TLL1: variants seen among roughly 807,000 people sequenced by gnomAD.
TLL1 encodes the protein tolloid like 1, also known as tolloid-like protein 1.
A neutral mutation model predicts 128.2 loss-of-function variants in TLL1; 49 were observed. The observed-to-expected ratio is 0.38, with a 90% confidence interval of 0.30 to 0.48. TLL1 has a LOEUF of 0.48. TLL1 is among the 20% of genes least tolerant of loss of function. The pLI, the probability that TLL1 is intolerant of heterozygous loss-of-function variation, is 0.96. For synonymous variants in TLL1, 454 were observed against 418.8 expected, an observed-to-expected ratio of 1.08 and a Z score of -1.03; for missense variants, 1,123 against 1,242.0, an observed-to-expected ratio of 0.90 and a Z score of 1.44.
intron 2 of TLL1, among the ~76,000 whole-genome samples, chr4:165,992,192 A>T (rs182964461): frequency 7.1e-4 from 108 of 152,138 alleles, no homozygotes; most frequent in Middle Eastern, 3.4e-3. Context: ...AGCGTAACAG[A>T]ATATATTTTG....
intron 16 of TLL1, among the ~76,000 whole-genome samples, chr4:166,070,702 T>C (rs1484027514): frequency 1.3e-5 from 2 of 151,922 alleles, no homozygotes; most frequent in Non-Finnish European, 2.9e-5. Flanking sequence ...TGCATTGCAA[T>C]CTGTCTAGCT....
At chr4:166,052,965 G>GTGTGTGTATATATATA in intron 12 of TLL1, among the ~76,000 whole-genome samples, 3 of 99,648 alleles carry the variant, frequency 3.0e-5, no homozygotes, top group African/African-American at 1.1e-4. Flanking sequence ...GAGGTTATGT[G>GTGTGTGTATATATATA]TATATATATA....
chr4:165,923,155 T>A (rs1733110938), intron 1 of TLL1, among the ~76,000 whole-genome samples: 2 of 152,122 alleles, frequency 1.3e-5, no homozygotes, highest in African/African-American at 4.8e-5. Flanking sequence ...AGTACAATCA[T>A]ATGCAGTAAT....
rs552189679 is a variant in TLL1, at chr4:166,026,822, A to G, written c.1158+1391A>G. On this transcript the variant is annotated intron_variant, in intron 9 of 20. Transcript: ENST00000061240. ...AAATTTAAAAGATTGTTAGAACCATAGAGTCTTTAGACAACAAAATGAGAG... is the reference window on the plus strand; with the variant it reads ...AAATTTAAAAGATTGTTAGAACCATGGAGTCTTTAGACAACAAAATGAGAG... 1.6e-4 allele frequency among the ~76,000 whole-genome samples: 25 copies of G among 152,284 alleles called. 1 individual carries two copies. Among genetic ancestry groups the G allele is most frequent in the African/African-American group, 5.8e-4 (24 of 41,582 alleles).
intron 1 of TLL1, among the ~76,000 whole-genome samples, chr4:165,962,919 G>A (rs1234920601): frequency 6.6e-6 from 1 of 151,148 alleles, no homozygotes; most frequent in Non-Finnish European, 1.5e-5. Flanking sequence ...GCTAGGCATG[G>A]TGGCACGTGC....
chr4:166,067,170 C>G (rs139347161), intron 16 of TLL1, among the ~76,000 whole-genome samples: 1 of 151,608 alleles, frequency 6.6e-6, no homozygotes, highest in Admixed American at 6.6e-5. Context: ...TGCACACATC[C>G]CACATGAATC....
rs201758510 is a variant in TLL1, at chr4:166,066,589, A to AGT, written c.2188+726_2188+727insGT. ...AATTTAGAGCAACTGAATTCCAATT[A>AGT]TGTTTTAATGTTAGGTAATTTGGAT... is the stretch of plus-strand genomic sequence containing the variant. On this transcript the variant is annotated intron_variant, in intron 16 of 20. Coordinates refer to ENST00000061240, the MANE Select transcript of TLL1 (RefSeq NM_012464.5). Among the ~76,000 whole-genome samples, 1,174 of 151,946 alleles carry AGT rather than the reference A, an allele frequency of 7.7e-3. 14 individuals are homozygous for AGT. Among genetic ancestry groups the AGT allele is most frequent in the African/African-American group, 0.027 (1,114 of 41,512 alleles).
At chr4:165,953,576 AAAAAAAG>A (rs541352864) in intron 1 of TLL1, among the ~76,000 whole-genome samples, 3,257 of 149,222 alleles carry the variant, frequency 0.022, 99 homozygotes, top group African/African-American at 0.077. Context: ...GAAAAAAAAA[AAAAAAAG>A]AAAGAAGGAA....
At chr4:165,934,770 G>T (rs566304388) in intron 1 of TLL1, among the ~76,000 whole-genome samples, 1 of 152,156 alleles carries the variant, frequency 6.6e-6, no homozygotes, top group Non-Finnish European at 1.5e-5. Flanking sequence ...CCAGGAAACT[G>T]ATACATTTTA....
At chr4:165,949,414 G>C (rs1173064829) in intron 1 of TLL1, among the ~76,000 whole-genome samples, 2 of 152,102 alleles carry the variant, frequency 1.3e-5, no homozygotes, top group Non-Finnish European at 1.5e-5. Context: ...GAGCCACACT[G>C]TCTCCAGACT....
intron 1 of TLL1, 40 bp downstream of exon 1, chr4:165,874,113 G>A (rs780750226): frequency 2.4e-5 from 38 of 1,612,862 alleles, no homozygotes; most frequent in Non-Finnish European, 3.1e-5. Context: ...CGCGCCGGGG[G>A]CCGCTGCGCT....
At position 166,100,904 on chromosome 4, in the gene TLL1, G is replaced by A. The variant is rs1327702787; in HGVS notation, c.*28G>A. The A allele has an allele frequency of 6.2e-7, 1 of 1,611,134 alleles. No homozygotes were observed. The highest frequency in any genetic ancestry group is 8.5e-7 in the Non-Finnish European group (1 of 1,178,430). ...CCAAAACCTCTGTCAGAACACAAAG[G>A]AATGTGCATAATGGAGAGAAGACAT... On this transcript the variant is annotated 3_prime_UTR_variant, in exon 21 of 21. Coordinates refer to ENST00000061240, the MANE Select transcript of TLL1 (RefSeq NM_012464.5).
At chr4:165,978,281 T>A (rs1244803717) in intron 1 of TLL1, among the ~76,000 whole-genome samples, 1 of 152,022 alleles carries the variant, frequency 6.6e-6, no homozygotes, top group Non-Finnish European at 1.5e-5. Flanking sequence ...CCAGGTTTTT[T>A]TTATTAGTGA....
chr4:165,908,452 A>G (rs918703033), intron 1 of TLL1, among the ~76,000 whole-genome samples: 5 of 151,788 alleles, frequency 3.3e-5, no homozygotes, highest in African/African-American at 4.8e-5. Flanking sequence ...GTGCGGTGAC[A>G]TTTGCCTGTA....
chr4:166,039,951 C>G (rs1739170521), intron 10 of TLL1, among the ~76,000 whole-genome samples: 1 of 152,142 alleles, frequency 6.6e-6, no homozygotes, highest in South Asian at 2.1e-4. Flanking sequence ...AGAGAGTTTT[C>G]TGTGGCTGAG....
At chr4:165,949,843 G>A (rs1436306461) in intron 1 of TLL1, among the ~76,000 whole-genome samples, 1 of 151,844 alleles carries the variant, frequency 6.6e-6, no homozygotes, top group Admixed American at 6.6e-5. Flanking sequence ...ATTTGGGTGG[G>A]GACACAGCCA....
chr4:166,098,302 A>G (rs1200413078), intron 19 of TLL1, among the ~76,000 whole-genome samples: 1 of 135,888 alleles, frequency 7.4e-6, no homozygotes, highest in Non-Finnish European at 1.5e-5. Flanking sequence ...GCCACTGCAC[A>G]CCAGCCTGGG....
intron 10 of TLL1, among the ~76,000 whole-genome samples, chr4:166,041,707 A>G (rs577213508): frequency 6.6e-6 from 1 of 152,272 alleles, no homozygotes; most frequent in South Asian, 2.1e-4. Flanking sequence ...ATTAAATAAT[A>G]TTCCCCACCT....
chr4:166,021,898 G>A (rs946543957), intron 8 of TLL1, among the ~76,000 whole-genome samples: 1 of 152,136 alleles, frequency 6.6e-6, no homozygotes, highest in Non-Finnish European at 1.5e-5. Flanking sequence ...CATACTGAAT[G>A]AGAAAAGCTT....
Sources: gnomAD v4.1 joint callset for allele counts (sites outside exome capture counted in the v4.1 genomes callset) on GRCh38, gnomAD v4.1.1 for gene constraint, MANE v1.5 for transcripts, NCBI Gene and HGNC (gene_info 2026-07-23, HGNC 2026-07-21) for gene names.